Variants in FGF10 observed in about 807,000 individuals in gnomAD.
The protein encoded by FGF10 is fibroblast growth factor 10.
Under a neutral mutation model 19.8 loss-of-function variants are expected in FGF10, and 2 were observed. The ratio of observed to expected loss-of-function variants is 0.10; its 90% CI spans 0.04 to 0.32. FGF10 has a LOEUF of 0.32. Ranked by LOEUF, FGF10 falls within the 10% of genes least tolerant of loss-of-function variation. The pLI, the probability that FGF10 is intolerant of heterozygous loss-of-function variation, is 1.00. For synonymous variants in FGF10, 112 were observed against 94.0 expected (o/e 1.19, Z -1.10); for missense variants, 191 against 246.3 (o/e 0.78, Z 1.50).
At chr5:44,380,391 A>G (rs540438866) in intron 1 of FGF10, among the ~76,000 whole-genome samples, 82 of 152,318 alleles carry the variant, frequency 5.4e-4, no homozygotes, top group Non-Finnish European at 9.0e-4. Flanking sequence ...GTATATGAAA[A>G]CACTTATGGA....
chr5:44,384,874 A>G (rs1309775028), intron 1 of FGF10, among the ~76,000 whole-genome samples: 1 of 151,986 alleles, frequency 6.6e-6, no homozygotes, highest in Non-Finnish European at 1.5e-5. Context: ...TCTATTCTTA[A>G]TTGTCTCAAG....
chr5:44,338,408 T>G (rs1293986905), intron 1 of FGF10, among the ~76,000 whole-genome samples: 2 of 152,188 alleles, frequency 1.3e-5, no homozygotes, highest in Non-Finnish European at 2.9e-5. Flanking sequence ...CCAAAAGAAA[T>G]TATGAAGCTC....
At chr5:44,349,971 T>C (rs1270434405) in intron 1 of FGF10, among the ~76,000 whole-genome samples, 1 of 151,236 alleles carries the variant, frequency 6.6e-6, no homozygotes, top group Admixed American at 6.6e-5. Flanking sequence ...TACTCAATAG[T>C]GTATGGCTCA....
chr5:44,345,330 C>T (rs1484717127), intron 1 of FGF10, among the ~76,000 whole-genome samples: 1 of 150,316 alleles, frequency 6.7e-6, no homozygotes, highest in East Asian at 1.9e-4. Context: ...AGAATTTAAC[C>T]AAGAATATAA....
Position 44,388,685 on chromosome 5 carries a change from T to C in FGF10, c.-3A>G, listed in dbSNP as rs1561223932. 2 of 1,613,826 alleles carry C rather than the reference T, an allele frequency of 1.2e-6. No individual in the cohort carries two copies. Among genetic ancestry groups the C allele is most frequent in the Non-Finnish European group, 1.7e-6 (2 of 1,179,954 alleles). ...TGTGTCAGTATCCATTTCCACATTG[T>C]ACTGAAACTCTCGGCACTGGAAATT... On this transcript the variant is annotated 5_prime_UTR_variant, in exon 1 of 3. Coordinates refer to ENST00000264664, the MANE Select transcript of FGF10 (RefSeq NM_004465.2).
chr5:44,374,297 GCCTA>G (rs1741807390), intron 1 of FGF10, among the ~76,000 whole-genome samples: 1 of 152,026 alleles, frequency 6.6e-6, no homozygotes, highest in Non-Finnish European at 1.5e-5. Context: ...GGCATTAAGG[GCCTA>G]CCTGGACAAT....
Position 44,315,524 on chromosome 5 carries a change from G to T in FGF10, c.326-4994C>A, listed in dbSNP as rs1325122781. On this transcript the variant is annotated intron_variant, in intron 1 of 2. Transcript: ENST00000264664. ...AGTGGTGCTTTTCTGGGTGAGGAATGTACTTTCCAAAAAAAAATTATTGTG... is the reference window on the plus strand; with the variant it reads ...AGTGGTGCTTTTCTGGGTGAGGAATTTACTTTCCAAAAAAAAATTATTGTG... Among the ~76,000 whole-genome samples the T allele has an allele frequency of 2.6e-5, 4 of 151,978 alleles. 1 individual carries two copies. Among genetic ancestry groups the T allele is most frequent in the African/African-American group, 9.7e-5 (4 of 41,374 alleles).
At chr5:44,341,238 T>C (rs1740962237) in intron 1 of FGF10, among the ~76,000 whole-genome samples, 1 of 151,974 alleles carries the variant, frequency 6.6e-6, no homozygotes, top group Non-Finnish European at 1.5e-5. Context: ...TTATGCAGAT[T>C]CATTGAACAT....
chr5:44,359,117 G>A (rs931459178), intron 1 of FGF10, among the ~76,000 whole-genome samples: 8 of 151,426 alleles, frequency 5.3e-5, no homozygotes, highest in African/African-American at 1.5e-4. Flanking sequence ...TCTGAAGTCA[G>A]CAAAGTCAAA....
intron 1 of FGF10, among the ~76,000 whole-genome samples, chr5:44,337,385 G>T (rs1740878494): frequency 6.6e-6 from 1 of 152,056 alleles, no homozygotes; most frequent in Non-Finnish European, 1.5e-5. Context: ...GACGCAACTA[G>T]TATTTAACAT....
At chr5:44,384,767 CTACA>C (rs1387159733) in intron 1 of FGF10, among the ~76,000 whole-genome samples, 10 of 152,118 alleles carry the variant, frequency 6.6e-5, no homozygotes, top group African/African-American at 2.2e-4. Flanking sequence ...AAAGCCTATA[CTACA>C]TACTCTTTAC....
intron 1 of FGF10, among the ~76,000 whole-genome samples, chr5:44,386,363 A>G (rs1485471563): frequency 6.6e-6 from 1 of 152,156 alleles, no homozygotes; most frequent in African/African-American, 2.4e-5. Flanking sequence ...CTCAAGGATA[A>G]CACTCTGAAA....
chr5:44,363,371 C>A (rs940667812), intron 1 of FGF10, among the ~76,000 whole-genome samples: 9 of 151,764 alleles, frequency 5.9e-5, no homozygotes, highest in South Asian at 2.1e-4. Context: ...GGAATTTTAA[C>A]CTTCATAAGG....
chr5:44,341,719 A>C (rs979641573), intron 1 of FGF10, among the ~76,000 whole-genome samples: 80 of 152,098 alleles, frequency 5.3e-4, no homozygotes, highest in African/African-American at 1.8e-3. Context: ...GTAAGAACAG[A>C]AACATTTCTG....
rs1003724416 is a variant in FGF10 at position 44,303,942 on chromosome 5, G to T, written c.*1053C>A. 2 of 152,218 alleles carry T rather than the reference G, an allele frequency of 1.3e-5. No homozygotes were observed. Among genetic ancestry groups the T allele is most frequent in the Non-Finnish European group, 2.9e-5 (2 of 68,018 alleles). The allele number at this position is 152,218 out of a possible 1,614,324, so 9.4% of individuals were successfully genotyped here. A position where few individuals can be genotyped will look rare whatever the true frequency, so the allele number is the denominator to read the frequency against. On this transcript the variant is annotated 3_prime_UTR_variant, in exon 3 of 3. Coordinates refer to ENST00000264664, the MANE Select transcript of FGF10 (RefSeq NM_004465.2). The stretch of plus-strand genomic sequence containing the variant: ...AATCATGAGTAAATAATGAGGCTAG[G>T]CTATTTAAATGTATTTAGCAATTAA...
At chr5:44,368,473 C>T (rs1164454739) in intron 1 of FGF10, among the ~76,000 whole-genome samples, 1 of 152,096 alleles carries the variant, frequency 6.6e-6, no homozygotes, top group Non-Finnish European at 1.5e-5. Context: ...AACCACACTA[C>T]TTTAGGTTGT....
chr5:44,354,621 C>T (rs1579928031), intron 1 of FGF10, among the ~76,000 whole-genome samples: 1 of 151,592 alleles, frequency 6.6e-6, no homozygotes, highest in East Asian at 2.0e-4. Context: ...CAAATAGAAC[C>T]TGTCCTCATA....
At chr5:44,351,162 G>C (rs1741224030) in intron 1 of FGF10, among the ~76,000 whole-genome samples, 1 of 151,476 alleles carries the variant, frequency 6.6e-6, no homozygotes, top group Admixed American at 6.6e-5. Flanking sequence ...GGAAGAAGAT[G>C]CTAATCTATG....
intron 1 of FGF10, among the ~76,000 whole-genome samples, chr5:44,362,540 T>C (rs1368474147): frequency 6.6e-6 from 1 of 151,648 alleles, no homozygotes; most frequent in African/African-American, 2.4e-5. Context: ...ACAACACTAG[T>C]GTTATTCACA....
Sources: allele counts gnomAD v4.1 joint callset (sites outside exome capture counted in the v4.1 genomes callset), GRCh38; gene constraint gnomAD v4.1.1; transcripts MANE v1.5; gene names NCBI Gene and HGNC (gene_info 2026-07-23, HGNC 2026-07-21).